Variants in ZFX observed in about 807,000 individuals in gnomAD.
ZFX encodes zinc finger X-chromosomal protein.
For missense variants in ZFX, 362 were observed against 628.3 expected, an observed-to-expected ratio of 0.58 and a Z score of 4.53; for synonymous variants, 196 against 226.8, an observed-to-expected ratio of 0.86 and a Z score of 1.22.
chrX:24,173,616 C>T (rs778522334), intron 4 of ZFX: 11 of 1,112,815 alleles, frequency 9.9e-6, no homozygotes, highest in Middle Eastern at 3.1e-4. Context: ...GACAGGGTCT[C>T]GTTCTGTCAC....
intron 5 of ZFX, among the ~76,000 whole-genome samples, chrX:24,192,925 T>C (rs1936640581): frequency 9.1e-6 from 1 of 110,408 alleles, no homozygotes; most frequent in South Asian, 3.9e-4. Flanking sequence ...TTATTGGAGC[T>C]TATTTTAATG....
intron 2 of ZFX, among the ~76,000 whole-genome samples, chrX:24,152,353 G>C (rs1251071658): frequency 9.0e-6 from 1 of 110,620 alleles, no homozygotes; most frequent in African/African-American, 3.3e-5. Context: ...GGCTGGTCTC[G>C]AACTCCTGAC....
chrX:24,210,803 G>C lies in ZFX; in HGVS notation c.1845G>C (p.Ser615=), dbSNP rs376089345. ...FKCDICLLTF[S]DTKEVQQHAL... is the part of the protein sequence containing the mutation. ...GTGACATTTGTCTTCTGACTTTCTCGGATACCAAAGAGGTGCAGCAACATG... is the reference window on the plus strand; with the variant it reads ...GTGACATTTGTCTTCTGACTTTCTCCGATACCAAAGAGGTGCAGCAACATG... Residue 615 remains serine, a synonymous_variant, in exon 10 of 10, where the codon TCG becomes TCC. Transcript: ENST00000304543. 8.3e-7 allele frequency: 1 copy of C among 1,211,381 alleles called. No homozygotes were observed. The highest frequency in any genetic ancestry group is 1.1e-6 in the Non-Finnish European group (1 of 895,452).
chrX:24,177,244 A>G (rs1165948345), intron 4 of ZFX, among the ~76,000 whole-genome samples: 2 of 111,717 alleles, frequency 1.8e-5, no homozygotes, highest in African/African-American at 6.5e-5. Flanking sequence ...CTTTTATTTT[A>G]TTTTATATTT....
chrX:24,157,852 G>A (rs1286664991), intron 3 of ZFX, among the ~76,000 whole-genome samples: 1 of 111,326 alleles, frequency 9.0e-6, no homozygotes, highest in Non-Finnish European at 1.9e-5. Context: ...TCCGCCTCCC[G>A]GGTTCAAGCA....
chrX:24,155,109 T>G (rs927619203), intron 3 of ZFX, among the ~76,000 whole-genome samples: 2 of 110,716 alleles, frequency 1.8e-5, no homozygotes, highest in Non-Finnish European at 3.8e-5. Context: ...AACCTGCACA[T>G]GTACTCCCGA....
At chrX:24,201,764 AAG>A (rs1439850532) in intron 5 of ZFX, among the ~76,000 whole-genome samples, 1 of 112,378 alleles carries the variant, frequency 8.9e-6, no homozygotes, top group Admixed American at 9.4e-5. Flanking sequence ...GTCCAGAAGT[AAG>A]AACATTAATA....
Position 24,213,251 on chromosome X carries a change from G to T in ZFX, c.*1875G>T, listed in dbSNP as rs767074725. The T allele has an allele frequency of 1.8e-5, 2 of 112,024 alleles. No individual in the cohort carries two copies. The highest frequency in any genetic ancestry group is 3.8e-5 in the Non-Finnish European group (2 of 53,134). 9.2% of individuals were successfully genotyped at this position (112,024 alleles called of 1,213,427 possible). On this transcript the variant is annotated 3_prime_UTR_variant, in exon 10 of 10. Transcript: ENST00000304543. ...GTCATACATTCATAAAACAAACTCG[G>T]TTAATTAGAACTTGGTTATGTTAAG... is the stretch of plus-strand genomic sequence containing the variant.
At chrX:24,184,735 A>G (rs1175258365) in intron 5 of ZFX, among the ~76,000 whole-genome samples, 3 of 111,616 alleles carry the variant, frequency 2.7e-5, no homozygotes, top group African/African-American at 9.8e-5. Context: ...ATTTTAATAT[A>G]TGTTTTATGT....
intron 1 of ZFX, 33 bp downstream of exon 1, chrX:24,149,827 C>T (rs1418440567): frequency 9.1e-6 from 1 of 109,799 alleles, no homozygotes; most frequent in Admixed American, 9.4e-5. Context: ...GCCGCGGGGC[C>T]TAGTGCGCGC....
chrX:24,173,847 G>C (rs369536932), intron 4 of ZFX: 4 of 400,868 alleles, frequency 1.0e-5, no homozygotes, highest in Non-Finnish European at 1.7e-5. Flanking sequence ...TGCCTGCCTC[G>C]GTCTCCTATA....
chrX:24,197,402 G>A (rs1233567189), intron 5 of ZFX, among the ~76,000 whole-genome samples: 1 of 111,971 alleles, frequency 8.9e-6, no homozygotes, highest in Admixed American at 9.5e-5. Context: ...AAAAAAATAT[G>A]ATCAAGGTAA....
Position 24,210,455 on chromosome X carries a change from T to G in ZFX, c.1497T>G (p.His499Gln). ...ATGAGTGTGGGAAGCATTTCTCTCA[T>G]GCAGGGGCTTTGTTTACTCACAAAA... ...ECDECGKHFS[H>Q]AGALFTHKMV... is the part of the protein sequence containing the mutation. Residue 499 changes from histidine (H) to glutamine (Q), a missense_variant, in exon 10 of 10, where the codon CAT becomes CAG. Physicochemically the swap from His to Gln is conservative, Grantham distance 24. Transcript: ENST00000304543. 8.3e-7 allele frequency: 1 copy of G among 1,211,909 alleles called. No homozygotes were observed. The highest frequency in any genetic ancestry group is 3.0e-5 in the East Asian group (1 of 33,834).
rs190855401 is a variant in ZFX, at chrX:24,215,227, C to T, written c.*3851C>T. On this transcript the variant is annotated 3_prime_UTR_variant, in exon 10 of 10. Transcript: ENST00000304543. ...TAACCTGTCTGTGATCCAACAAGTC[C>T]GATAACATGCTGCTGTATTTGTATT... 2.0e-4 allele frequency: 22 copies of T among 111,795 alleles called. No homozygotes were observed. Among genetic ancestry groups the T allele is most frequent in the African/African-American group, 6.8e-4 (21 of 30,806 alleles). The allele number at this position is 111,795 out of a possible 1,213,427, so 9.2% of individuals were successfully genotyped here. A position where few individuals can be genotyped will look rare whatever the true frequency, so the allele number is the denominator to read the frequency against.
chrX:24,169,004 G>A (rs1413116244), intron 3 of ZFX, among the ~76,000 whole-genome samples: 1 of 110,697 alleles, frequency 9.0e-6, no homozygotes, highest in East Asian at 2.8e-4. Flanking sequence ...TCCACCCTTC[G>A]TTTATCATAT....
rs1205954310 is a variant in ZFX, at chrX:24,152,759, G to A, written c.-100G>A. 8.9e-6 allele frequency: 1 copy of A among 112,262 alleles called. No individual in the cohort carries two copies. The highest frequency in any genetic ancestry group is 1.9e-5 in the Non-Finnish European group (1 of 53,271). 9.3% of individuals were successfully genotyped at this position (112,262 alleles called of 1,213,427 possible). A position where few individuals can be genotyped will look rare whatever the true frequency, so the allele number is the denominator to read the frequency against. ...GAAGAACTATTAAGAAGATAGAATT[G>A]TTTTGCTGCGCAGTACAGCAACAGT... On this transcript the variant is annotated 5_prime_UTR_variant, in exon 3 of 10. Transcript: ENST00000304543.
chrX:24,195,413 C>T (rs1326930984), intron 5 of ZFX, among the ~76,000 whole-genome samples: 1 of 107,843 alleles, frequency 9.3e-6, no homozygotes, highest in Admixed American at 9.9e-5. Flanking sequence ...AGTGCAGTGG[C>T]GCGATCTCGG....
At chrX:24,158,601 G>C (rs905041255) in intron 3 of ZFX, among the ~76,000 whole-genome samples, 1 of 111,110 alleles carries the variant, frequency 9.0e-6, no homozygotes, top group Non-Finnish European at 1.9e-5. Context: ...TGATATTGTA[G>C]TGGGCTTTTT....
intron 3 of ZFX, among the ~76,000 whole-genome samples, chrX:24,160,965 T>C (rs1041939829): frequency 8.9e-6 from 1 of 111,905 alleles, no homozygotes; most frequent in East Asian, 2.8e-4. Context: ...TTTAGAACTT[T>C]GTATTTACAG....
Sources: gnomAD v4.1 joint callset for allele counts (sites outside exome capture counted in the v4.1 genomes callset) on GRCh38, gnomAD v4.1.1 for gene constraint, MANE v1.5 for transcripts, NCBI Gene and HGNC (gene_info 2026-07-23, HGNC 2026-07-21) for gene names.